The following XRCC5 variants were observed in gnomAD, a reference collection of about 807,000 sequenced individuals.
XRCC5 encodes DNA repair protein Ku80.
A neutral mutation model predicts 95.7 loss-of-function variants in XRCC5; 12 were observed. That is an observed-to-expected ratio of 0.13 (90% confidence interval 0.08 to 0.20). The LOEUF (loss-of-function observed/expected upper bound fraction) is 0.20, where lower values mean the gene tolerates loss of function less well. XRCC5 is among the 10% of genes least tolerant of loss of function. XRCC5 has a pLI of 1.00. For synonymous variants in XRCC5, 281 were observed against 290.3 expected (o/e 0.97, Z 0.33); for missense variants, 595 against 873.9 (o/e 0.68, Z 4.02).
At chr2:216,184,142 TGA>T (rs1689447200) in intron 16 of XRCC5, among the ~76,000 whole-genome samples, 1 of 151,920 alleles carries the variant, frequency 6.6e-6, no homozygotes, top group Admixed American at 6.6e-5. Flanking sequence ...GTTTGACTTC[TGA>T]GAGGACCAGA....
chr2:216,194,364 T>C (rs41296757), intron 18 of XRCC5, among the ~76,000 whole-genome samples: 1,648 of 152,334 alleles, frequency 0.011, 22 homozygotes, highest in African/African-American at 0.038. Context: ...TAAAGACTTA[T>C]AAGACTTAGT....
At chr2:216,189,371 AT>A (rs1186774541) in intron 16 of XRCC5, among the ~76,000 whole-genome samples, 1 of 152,220 alleles carries the variant, frequency 6.6e-6, no homozygotes, top group Admixed American at 6.5e-5. Context: ...CATCTCCCTG[AT>A]TTGTTCTTCC....
intron 16 of XRCC5, among the ~76,000 whole-genome samples, chr2:216,170,489 GGAGAGA>G (rs10585319): frequency 1.3e-5 from 2 of 150,490 alleles, no homozygotes; most frequent in South Asian, 2.1e-4. Context: ...CTTCTATGAA[GGAGAGA>G]GAGAGAGAGA....
intron 16 of XRCC5, chr2:216,175,745 A>G: frequency 2.2e-6 from 1 of 453,300 alleles, no homozygotes; most frequent in South Asian, 1.8e-5. Context: ...GTGGTCAAGC[A>G]CACATTGCTG....
intron 1 of XRCC5, among the ~76,000 whole-genome samples, chr2:216,110,259 C>A (rs899618695): frequency 1.3e-5 from 2 of 148,248 alleles, no homozygotes; most frequent in Non-Finnish European, 3.0e-5. Flanking sequence ...TTTTTTTTTT[C>A]AACATAAAAG....
In XRCC5 at chr2:216,130,787, GTGT is replaced by G. The variant is rs900862422; in HGVS notation, c.938-83_938-81del. 68 of 766,992 alleles carry G rather than the reference GTGT, an allele frequency of 8.9e-5. No homozygotes were observed. In the African/African-American group the frequency reaches 1.2e-3, roughly 13 times the overall value. The allele number at this position is 766,992 out of a possible 1,614,324, so 47.5% of individuals were successfully genotyped here. On this transcript the variant is annotated intron_variant, in intron 8 of 20. Coordinates refer to ENST00000392132, the MANE Select transcript of XRCC5 (RefSeq NM_021141.4). Reference sequence around the variant, plus strand: ...TGGAGGCTTGCTCTGGCGTGTGCGTGTGTTGTTAATGTATGCATGGAACTAATT... The same window carrying G: ...TGGAGGCTTGCTCTGGCGTGTGCGTGTGTTAATGTATGCATGGAACTAATT...
intron 13 of XRCC5, among the ~76,000 whole-genome samples, chr2:216,143,789 GCT>G (rs2106016581): frequency 6.7e-6 from 1 of 148,782 alleles, no homozygotes; most frequent in East Asian, 1.9e-4. Context: ...CTCACTGTGA[GCT>G]CTGTCTCCTG....
At position 216,131,417 on chromosome 2, in the gene XRCC5, G is replaced by A. The variant is rs41296362; in HGVS notation, c.1050+430G>A. The stretch of plus-strand genomic sequence containing the variant: ...CATTGCATGTTCTTGAAAATAAACC[G>A]CAGGCTCCAGATTTCATAGATCAGA... On this transcript the variant is annotated intron_variant, in intron 9 of 20. Coordinates refer to ENST00000392132, the MANE Select transcript of XRCC5 (RefSeq NM_021141.4). 3.4e-3 allele frequency among the ~76,000 whole-genome samples: 523 copies of A among 152,198 alleles called. 3 individuals carry two copies. The highest frequency in any genetic ancestry group is 0.012 in the African/African-American group (493 of 41,544).
chr2:216,132,270 TG>T lies in XRCC5; in HGVS notation c.1051-53del, dbSNP rs562046016. On this transcript the variant is annotated intron_variant, in intron 9 of 20. Coordinates refer to ENST00000392132, the MANE Select transcript of XRCC5 (RefSeq NM_021141.4). ...TGGAATTTCTTGGCAATGTGTGTCATGGTTATACATGTTACTTATTTTGGAT... is the reference window on the plus strand; with the variant it reads ...TGGAATTTCTTGGCAATGTGTGTCATGTTATACATGTTACTTATTTTGGAT... 535 of 1,543,374 alleles carry T rather than the reference TG, an allele frequency of 3.5e-4. 1 individual carries two copies. Among genetic ancestry groups the T allele is most frequent in the Middle Eastern group, 1.9e-3 (11 of 5,926 alleles).
intron 14 of XRCC5, among the ~76,000 whole-genome samples, chr2:216,152,124 CCTG>C (rs1688756324): frequency 6.6e-6 from 1 of 152,162 alleles, no homozygotes; most frequent in Non-Finnish European, 1.5e-5. Flanking sequence ...TCCCTAAACA[CCTG>C]GGGATTACAA....
At chr2:216,186,824 A>T (rs559998914) in intron 16 of XRCC5, among the ~76,000 whole-genome samples, 1 of 152,180 alleles carries the variant, frequency 6.6e-6, no homozygotes, top group African/African-American at 2.4e-5. Context: ...GATGATCAGC[A>T]TTTCCTTTAT....
intron 14 of XRCC5, among the ~76,000 whole-genome samples, chr2:216,159,514 C>G (rs190759392): frequency 6.6e-6 from 1 of 151,508 alleles, no homozygotes; most frequent in African/African-American, 2.4e-5. Flanking sequence ...TTATAGTTTA[C>G]GACTTCTTTA....
intron 19 of XRCC5, among the ~76,000 whole-genome samples, chr2:216,197,934 T>C (rs1295572411): frequency 2.6e-5 from 4 of 152,218 alleles, no homozygotes; most frequent in African/African-American, 9.6e-5. Context: ...TCTACAACAC[T>C]ATATACATCA....
chr2:216,132,643 A>T (rs1697012798), intron 10 of XRCC5, among the ~76,000 whole-genome samples: 1 of 152,248 alleles, frequency 6.6e-6, no homozygotes, highest in African/African-American at 2.4e-5. Context: ...TGGGAATTTC[A>T]CAGTCAAATG....
chr2:216,171,514 A>G (rs990268681), intron 16 of XRCC5, among the ~76,000 whole-genome samples: 1 of 152,338 alleles, frequency 6.6e-6, no homozygotes, highest in Non-Finnish European at 1.5e-5. Flanking sequence ...GTTAATAGTC[A>G]TAATTAAAGG....
chr2:216,202,610 A>G (rs998960090), intron 19 of XRCC5, among the ~76,000 whole-genome samples: 2 of 152,190 alleles, frequency 1.3e-5, no homozygotes, highest in Non-Finnish European at 2.9e-5. Context: ...TCTCTCTTAT[A>G]CCATTGATTC....
chr2:216,145,401 G>A (rs764862400), intron 13 of XRCC5, among the ~76,000 whole-genome samples: 3 of 152,176 alleles, frequency 2.0e-5, no homozygotes, highest in Admixed American at 6.5e-5. Flanking sequence ...TTAAATAATT[G>A]ATACAATGGT....
intron 14 of XRCC5, chr2:216,156,536 C>T (rs1688845458): frequency 1.7e-6 from 1 of 604,844 alleles, no homozygotes; most frequent in Non-Finnish European, 3.3e-6. Context: ...CACTTCAACA[C>T]TGGCTTCCCG....
At chr2:216,192,838 A>G in intron 18 of XRCC5, 103 bp downstream of exon 18, 1 of 795,806 alleles carries the variant, frequency 1.3e-6, no homozygotes, top group Non-Finnish European at 1.8e-6. Context: ...TGTATTGTAT[A>G]ATGAGTTATG....
Sources: gnomAD v4.1 joint callset for allele counts (sites outside exome capture counted in the v4.1 genomes callset) on GRCh38, gnomAD v4.1.1 for gene constraint, MANE v1.5 for transcripts, NCBI Gene and HGNC (gene_info 2026-07-23, HGNC 2026-07-21) for gene names.